Variants in CLEC19A observed in about 807,000 individuals in gnomAD.
The protein encoded by CLEC19A is C-type lectin domain containing 19A, also known as C-type lectin domain family 19 member A.
A neutral mutation model predicts 26.1 loss-of-function variants in CLEC19A; 21 were observed. The ratio of observed to expected loss-of-function variants is 0.80; its 90% CI spans 0.57 to 1.16. The LOEUF is 1.16. Among genes scored for constraint, CLEC19A ranks in the 50% most tolerant of loss-of-function variants. CLEC19A has a pLI of 0.00. For synonymous variants in CLEC19A, 89 were observed against 88.6 expected, an observed-to-expected ratio of 1.00 and a Z score of -0.03; for missense variants, 224 against 227.6, an observed-to-expected ratio of 0.98 and a Z score of 0.10.
In CLEC19A at chr16:19,307,620, G is replaced by T; in HGVS notation, c.424G>T (p.Val142Phe). ...GGATGGCAGCCAGCCAGATGATGGC[G>T]TCCACGCGGACCCAGAAGAAGAGGA... The part of the protein sequence containing the change: ...YWDGSQPDDG[V>F]HADPEEEDCV... Residue 142 changes from valine to phenylalanine, a missense_variant, in exon 4 of 5, where the codon GTC becomes TTC. Coordinates refer to ENST00000636231, the MANE Select transcript of CLEC19A (RefSeq NM_001256720.2). 1.3e-6 allele frequency: 2 copies of T among 1,548,286 alleles called. No homozygotes were observed. The highest frequency in any genetic ancestry group is 1.7e-6 in the Non-Finnish European group (2 of 1,146,798).
chr16:19,298,567 TA>T lies in CLEC19A; in HGVS notation c.89-98del, dbSNP rs371829610. ...GGCAACAGAACGAGACCCTGTCTCTTAAAAAAAATTAAAAGATTGTAAAGAA... is the reference window on the plus strand; with the variant it reads ...GGCAACAGAACGAGACCCTGTCTCTTAAAAAAATTAAAAGATTGTAAAGAA... On this transcript the variant is annotated intron_variant, in intron 1 of 4. Coordinates refer to ENST00000636231, the MANE Select transcript of CLEC19A (RefSeq NM_001256720.2). The T allele has an allele frequency of 1.9e-4, 230 of 1,222,102 alleles. No individual in the cohort carries two copies. In the African/African-American group the frequency reaches 2.0e-3, roughly 10 times the overall value. 75.7% of individuals were successfully genotyped at this position (1,222,102 alleles called of 1,614,324 possible). A position where few individuals can be genotyped will look rare whatever the true frequency, so the allele number is the denominator to read the frequency against.
chr16:19,298,823 T>G lies in CLEC19A; in HGVS notation c.239T>G (p.Leu80Arg). 6.4e-7 allele frequency: 1 copy of G among 1,550,506 alleles called. No homozygotes were observed. The highest frequency in any genetic ancestry group is 2.0e-5 in the Admixed American group (1 of 50,996). ...EFSVGRKSAK[L>R]ASIHSWEENV... ...TCTGTGGGCAGGAAGTCCGCCAAGC[T>G]GGCCTCCATCCACAGGTAAGTGGGA... The change falls in exon 2 of 5, where the codon CTG becomes CGG. Residue 80 changes from leucine (L) to arginine (R), a missense_variant. Physicochemically the swap from Leu to Arg is moderately radical, Grantham distance 102. Transcript: ENST00000636231.
chr16:19,291,159 G>A (rs1367105180), intron 1 of CLEC19A, among the ~76,000 whole-genome samples: 1 of 152,176 alleles, frequency 6.6e-6, no homozygotes, highest in Non-Finnish European at 1.5e-5. Context: ...ATTTTTCTTA[G>A]GTTTGGTCTT....
At chr16:19,290,400 G>A (rs943081350) in intron 1 of CLEC19A, among the ~76,000 whole-genome samples, 5 of 144,936 alleles carry the variant, frequency 3.4e-5, no homozygotes, top group African/African-American at 1.0e-4. Flanking sequence ...TCAAGTTCCC[G>A]GCCATGCTAA....
rs533469238 is a variant in CLEC19A at position 19,310,522 on chromosome 16, A to G, written c.*1439A>G. On this transcript the variant is annotated 3_prime_UTR_variant, in exon 5 of 5. Transcript: ENST00000636231. ...CACAGCAGCATTATTGATAAAAACC[A>G]CAAAAAAAATGAAGACAACCCAAGT... 1.3e-5 allele frequency: 2 copies of G among 152,288 alleles called. No homozygotes were observed. Among genetic ancestry groups the G allele is most frequent in the East Asian group, 3.9e-4 (2 of 5,182 alleles). The allele number at this position is 152,288 out of a possible 1,614,324, so 9.4% of individuals were successfully genotyped here.
rs984602532 is a variant in CLEC19A, at chr16:19,310,663, A to G, written c.*1580A>G. 6.6e-6 allele frequency: 1 copy of G among 152,194 alleles called. No homozygotes were observed. The allele number at this position is 152,194 out of a possible 1,614,324, so 9.4% of individuals were successfully genotyped here. A position where few individuals can be genotyped will look rare whatever the true frequency, so the allele number is the denominator to read the frequency against. On this transcript the variant is annotated 3_prime_UTR_variant, in exon 5 of 5. Coordinates refer to ENST00000636231, the MANE Select transcript of CLEC19A (RefSeq NM_001256720.2). ...TACTACAACCTGAATGAACCTGAAA[A>G]ACATTATGCTTCCAGTCACAAAAGA...
chr16:19,301,749 T>TTG (rs1349995045), intron 2 of CLEC19A, among the ~76,000 whole-genome samples: 7 of 126,220 alleles, frequency 5.5e-5, no homozygotes, highest in East Asian at 2.1e-4. Flanking sequence ...TTTTTTTTTT[T>TTG]TTTTTTTTTT....
At chr16:19,296,685 T>A (rs562390382) in intron 1 of CLEC19A, among the ~76,000 whole-genome samples, 67 of 152,198 alleles carry the variant, frequency 4.4e-4, no homozygotes, top group Non-Finnish European at 9.3e-4. Flanking sequence ...TCAACCTGCC[T>A]TAGCCTCAGT....
At chr16:19,305,714 A>C (rs1438513633) in intron 3 of CLEC19A, among the ~76,000 whole-genome samples, 2 of 152,254 alleles carry the variant, frequency 1.3e-5, no homozygotes, top group Non-Finnish European at 2.9e-5. Flanking sequence ...GAGCTAATGC[A>C]TGTAAAGAGC....
intron 1 of CLEC19A, among the ~76,000 whole-genome samples, chr16:19,294,023 T>G (rs996695234): frequency 3.9e-5 from 6 of 152,162 alleles, no homozygotes; most frequent in Admixed American, 3.9e-4. Flanking sequence ...CATATTTTTG[T>G]ACCCATTAAC....
chr16:19,308,388 T>TG (rs1314565913), intron 4 of CLEC19A, among the ~76,000 whole-genome samples: 1 of 152,140 alleles, frequency 6.6e-6, no homozygotes. Context: ...CTTCAAAATG[T>TG]GGCTAATGAT....
In CLEC19A at chr16:19,307,544, G is replaced by T. The variant is rs1897982744; in HGVS notation, c.349-1G>T. The T allele has an allele frequency of 7.8e-6, 12 of 1,547,870 alleles. No individual in the cohort carries two copies. Among genetic ancestry groups the T allele is most frequent in the Non-Finnish European group, 9.6e-6 (11 of 1,146,758 alleles). ...TGTCTCTTTGGGTGGAACCCTCCCA[G>T]GAAGGGCAGTTTGAATGGACTGATG... On this transcript the variant is annotated splice_acceptor_variant, in intron 3 of 4. Coordinates refer to ENST00000636231, the MANE Select transcript of CLEC19A (RefSeq NM_001256720.2). LOFTEE classifies it high-confidence loss of function.
At chr16:19,297,255 G>T (rs754509217) in intron 1 of CLEC19A, among the ~76,000 whole-genome samples, 1 of 152,182 alleles carries the variant, frequency 6.6e-6, no homozygotes, top group Non-Finnish European at 1.5e-5. Flanking sequence ...CTATAGCTTG[G>T]CAATAAACAT....
chr16:19,303,024 A>G (rs1161633260), intron 2 of CLEC19A, among the ~76,000 whole-genome samples: 2 of 152,188 alleles, frequency 1.3e-5, no homozygotes, highest in Non-Finnish European at 2.9e-5. Context: ...CTGGGAAAAT[A>G]AAATTTGGCT....
rs540412945 is a variant in CLEC19A, at chr16:19,288,129, A to G, written c.88+2190A>G. 3.3e-5 allele frequency among the ~76,000 whole-genome samples: 5 copies of G among 152,344 alleles called. No homozygotes were observed. In the South Asian group the frequency reaches 6.2e-4, roughly 19 times the overall value. On this transcript the variant is annotated intron_variant, in intron 1 of 4. Transcript: ENST00000636231. ...ATGGAAACTGAGGCTACAGAGGCCA[A>G]TTGAGCCAACCATGGTCATCACTGT...
At chr16:19,296,363 A>T (rs1897705113) in intron 1 of CLEC19A, among the ~76,000 whole-genome samples, 1 of 150,114 alleles carries the variant, frequency 6.7e-6, no homozygotes, top group African/African-American at 2.5e-5. Context: ...TTTATTTTAC[A>T]TTTGATTTTG....
At position 19,290,839 on chromosome 16, in the gene CLEC19A, C is replaced by G. The variant is rs539214598; in HGVS notation, c.88+4900C>G. On this transcript the variant is annotated intron_variant, in intron 1 of 4. Transcript: ENST00000636231. ...TTTATTTTTGCTCCTTTTTCTTTTTCTTTCTTTCTTTTTTTTAGAGACAAG... is the reference window on the plus strand; with the variant it reads ...TTTATTTTTGCTCCTTTTTCTTTTTGTTTCTTTCTTTTTTTTAGAGACAAG... 8.6e-5 allele frequency among the ~76,000 whole-genome samples: 13 copies of G among 152,004 alleles called. No homozygotes were observed. In the South Asian group the frequency reaches 2.7e-3, roughly 32 times the overall value.
intron 1 of CLEC19A, among the ~76,000 whole-genome samples, chr16:19,286,291 G>A (rs545971377): frequency 6.6e-6 from 1 of 152,350 alleles, no homozygotes; most frequent in South Asian, 2.1e-4. Flanking sequence ...CACAGTGTCT[G>A]GCACTACAGG....
In CLEC19A at chr16:19,307,653, C is replaced by A; in HGVS notation, c.457C>A (p.Gln153Lys). The change falls in exon 4 of 5, where the codon CAG becomes AAG. Residue 153 changes from glutamine (Q) to lysine (K), a missense_variant. Physicochemically the swap from Gln to Lys is moderately conservative, Grantham distance 53. Transcript: ENST00000636231. ...GGACCCAGAAGAAGAGGACTGCGTG[C>A]AGATATGGTACAGGCCTACCAGTGG... ...HADPEEEDCV[Q>K]IWYRPTSALR... The A allele has an allele frequency of 1.3e-6, 2 of 1,548,294 alleles. No individual in the cohort carries two copies. The highest frequency in any genetic ancestry group is 1.7e-6 in the Non-Finnish European group (2 of 1,146,796).
Sources: gnomAD v4.1 joint callset for allele counts (sites outside exome capture counted in the v4.1 genomes callset) on GRCh38, gnomAD v4.1.1 for gene constraint, MANE v1.5 for transcripts, NCBI Gene and HGNC (gene_info 2026-07-23, HGNC 2026-07-21) for gene names.